The following CLPTM1L variants were observed in gnomAD, a reference collection of about 807,000 sequenced individuals.
CLPTM1L encodes the protein CLPTM1 like.
In CLPTM1L, 38 loss-of-function variants were observed where a neutral mutation model predicts 70.9. The ratio of observed to expected loss-of-function variants is 0.54; its 90% CI spans 0.41 to 0.70. The LOEUF (loss-of-function observed/expected upper bound fraction) is 0.70. Ranked by LOEUF, CLPTM1L falls within the 30% of genes least tolerant of loss-of-function variation. The pLI is 0.00. For missense variants in CLPTM1L, 652 were observed against 705.9 expected, an observed-to-expected ratio of 0.92 and a Z score of 0.87; for synonymous variants, 339 against 299.9, an observed-to-expected ratio of 1.13 and a Z score of -1.35.
At chr5:1,324,902 T>C in intron 10 of CLPTM1L, 89 bp from the exon 11 acceptor site, 1 of 1,237,554 alleles carries the variant, frequency 8.1e-7, no homozygotes, top group Non-Finnish European at 1.2e-6. Flanking sequence ...CACATATGGC[T>C]GCAGAGCTGA....
chr5:1,327,726 T>TCCAGCTCCTTCTCTACAGGGACATTCCAC (rs1561235715), intron 9 of CLPTM1L, among the ~76,000 whole-genome samples: 10 of 146,896 alleles, frequency 6.8e-5, no homozygotes, highest in South Asian at 2.2e-4. Context: ...GGACATTTCA[T>TCCAGCTCCTTCTCTACAGGGACATTCCAC]CCAGCTCCTC....
intron 16 of CLPTM1L, chr5:1,320,404 G>A: frequency 2.2e-6 from 1 of 454,658 alleles, no homozygotes; most frequent in Non-Finnish European, 3.9e-6. Context: ...AAAGCACAGT[G>A]AGGAGACAGA....
At chr5:1,321,485 T>TA in intron 15 of CLPTM1L, 150 bp downstream of exon 15, 1 of 701,232 alleles carries the variant, frequency 1.4e-6, no homozygotes, top group South Asian at 1.8e-5. Context: ...CTTTTTTTTT[T>TA]AAAGGAGCCT....
chr5:1,335,086 T>TGCATGTGGATCCA lies in CLPTM1L; in HGVS notation c.754_766dup (p.Gln256LeufsTer22). 1 of 1,613,526 alleles carries TGCATGTGGATCCA rather than the reference T, an allele frequency of 6.2e-7. No individual in the cohort carries two copies. The highest frequency in any genetic ancestry group is 8.5e-7 in the Non-Finnish European group (1 of 1,180,004). ...CTGCTGCAGGGAGTACACGGCGTCC[T>TGCATGTGGATCCA]GCATGTGGATCCAGAAGCGCAGCCG... is the stretch of plus-strand genomic sequence containing the variant. On this transcript the variant is annotated frameshift_variant, in exon 6 of 17. Transcript: ENST00000320895. LOFTEE classifies it high-confidence loss of function.
At position 1,342,958 on chromosome 5, in the gene CLPTM1L, C is replaced by T. The variant is rs899277996; in HGVS notation, c.264-1098G>A. On this transcript the variant is annotated intron_variant, in intron 2 of 16. Transcript: ENST00000320895. The surrounding 1 kb of genome is among the most constrained non-coding windows in gnomAD (Gnocchi z 4.3). ...CTGTAATCCCAGCACCTTGGGAGGC[C>T]GAGCCGGGCAGATCACGAGGTCAGG... 1.2e-4 allele frequency among the ~76,000 whole-genome samples: 19 copies of T among 152,146 alleles called. No homozygotes were observed. The highest frequency in any genetic ancestry group is 2.2e-4 in the African/African-American group (9 of 41,446).
At chr5:1,341,894 A>G (rs1412656441) in intron 2 of CLPTM1L, 34 bp from the exon 3 acceptor site, 3 of 1,542,288 alleles carry the variant, frequency 1.9e-6, no homozygotes, top group African/African-American at 2.7e-5. Flanking sequence ...CTACATACAT[A>G]TTATATTCTG....
chr5:1,339,907 G>A (rs1039729870), intron 3 of CLPTM1L, among the ~76,000 whole-genome samples: 109 of 146,984 alleles, frequency 7.4e-4, no homozygotes, highest in African/African-American at 2.6e-3. Context: ...CAGGGTCAGC[G>A]CCCTAACCTG....
chr5:1,337,252 A>G lies in CLPTM1L; in HGVS notation c.678+652T>C, dbSNP rs549114880. On this transcript the variant is annotated intron_variant, in intron 5 of 16. Transcript: ENST00000320895. ...GTGCTTAGCACAGTGCCTCATGTGCAGTAAGAGACATTAAATATTAACTGC... is the reference window on the plus strand; with the variant it reads ...GTGCTTAGCACAGTGCCTCATGTGCGGTAAGAGACATTAAATATTAACTGC... Among the ~76,000 whole-genome samples, 3 of 152,374 alleles carry G rather than the reference A, an allele frequency of 2.0e-5. No individual in the cohort carries two copies. In the South Asian group the frequency reaches 6.2e-4, roughly 32 times the overall value.
At chr5:1,330,527 T>C in intron 8 of CLPTM1L, 144 bp from the exon 9 acceptor site, 1 of 623,672 alleles carries the variant, frequency 1.6e-6, no homozygotes, top group Non-Finnish European at 2.9e-6. Context: ...GTCACCCCGT[T>C]TAAAAAGAAC....
rs1753999725 is a variant in CLPTM1L, at chr5:1,342,274, C to A, written c.264-414G>T. Among the ~76,000 whole-genome samples, 1 of 152,214 alleles carries A rather than the reference C, an allele frequency of 6.6e-6. No individual in the cohort carries two copies. Among genetic ancestry groups the A allele is most frequent in the African/African-American group, 2.4e-5 (1 of 41,448 alleles). On this transcript the variant is annotated intron_variant, in intron 2 of 16. Coordinates refer to ENST00000320895, the MANE Select transcript of CLPTM1L (RefSeq NM_030782.5). This position sits in a 1 kb window ranked among gnomAD's most constrained non-coding sequence, Gnocchi z 4.3. ...CCGAAGCGACAGAAGGGAAGGGCAG[C>A]AGCCACGAGGGCTCCAGGTGCCTCG... is the stretch of plus-strand genomic sequence containing the variant.
Position 1,327,397 on chromosome 5 carries a change from G to A in CLPTM1L, c.1081-1581C>T, listed in dbSNP as rs71595012. On this transcript the variant is annotated intron_variant, in intron 9 of 16. Coordinates refer to ENST00000320895, the MANE Select transcript of CLPTM1L (RefSeq NM_030782.5). ...ATTCCATCCAGCTCCTCCTCTACAG[G>A]CACATTCCATCCAGCTCCTCCTCTA... is the stretch of plus-strand genomic sequence containing the variant. Among the ~76,000 whole-genome samples, 70 of 101,726 alleles carry A rather than the reference G, an allele frequency of 6.9e-4. 1 individual carries two copies. The highest frequency in any genetic ancestry group is 7.4e-4 in the African/African-American group (20 of 26,962). The allele number at this position is 101,726 out of a possible 152,430, so 66.7% of individuals were successfully genotyped here.
chr5:1,328,943 C>G (rs368435892), intron 9 of CLPTM1L, among the ~76,000 whole-genome samples: 116 of 143,792 alleles, frequency 8.1e-4, no homozygotes, highest in Admixed American at 1.6e-3. Flanking sequence ...CAGGGACATT[C>G]CATCCAGCTC....
Position 1,335,102 on chromosome 5 carries a change from A to G in CLPTM1L, c.751T>C (p.Phe251Leu), listed in dbSNP as rs766798575. The change falls in exon 6 of 17, where the codon TTC (phenylalanine) becomes CTC (leucine). Residue 251 changes from phenylalanine to leucine, a missense_variant. Physicochemically the swap from Phe to Leu is conservative, Grantham distance 22. Transcript: ENST00000320895. ...YDKVSLGRLR[F>L]WIHMQDAVYS... ...ACGGCGTCCTGCATGTGGATCCAGA[A>G]GCGCAGCCGCCCCAGTGAGACCTTG... The G allele has an allele frequency of 9.9e-6, 16 of 1,613,648 alleles. No individual in the cohort carries two copies. The South Asian group carries it at 1.6e-4, about 17-fold the overall frequency.
chr5:1,319,563 G>A (rs1458407436), intron 16 of CLPTM1L, among the ~76,000 whole-genome samples: 1 of 152,236 alleles, frequency 6.6e-6, no homozygotes, highest in Non-Finnish European at 1.5e-5. Flanking sequence ...GCTCCCCAAG[G>A]GCCGGCACCC....
chr5:1,324,162 A>G (rs1016465485), intron 11 of CLPTM1L: 11 of 436,490 alleles, frequency 2.5e-5, no homozygotes, highest in African/African-American at 2.0e-4. Context: ...ATCAATAAAC[A>G]TAATGGAAAG....
In CLPTM1L at chr5:1,318,473, C is replaced by T; in HGVS notation, c.1533-20G>A. 6 of 1,607,040 alleles carry T rather than the reference C, an allele frequency of 3.7e-6. No individual in the cohort carries two copies. Among genetic ancestry groups the T allele is most frequent in the Non-Finnish European group, 5.1e-6 (6 of 1,174,348 alleles). Reference sequence around the variant, plus strand: ...TAAAGCCTGCAATGACACAAATGAGCACATCAGCAAACCCCACTGCAGGGG... The same window carrying T: ...TAAAGCCTGCAATGACACAAATGAGTACATCAGCAAACCCCACTGCAGGGG... On this transcript the variant is annotated intron_variant, in intron 16 of 16. Coordinates refer to ENST00000320895, the MANE Select transcript of CLPTM1L (RefSeq NM_030782.5). This position sits in a 1 kb window ranked among gnomAD's most constrained non-coding sequence, Gnocchi z 8.9.
intron 11 of CLPTM1L, 140 bp from the exon 12 acceptor site, chr5:1,324,009 G>T: frequency 1.5e-6 from 1 of 663,934 alleles, no homozygotes; most frequent in Non-Finnish European, 2.7e-6. Flanking sequence ...GCAGGGGGCG[G>T]CGTGAGGGGC....
Position 1,321,824 on chromosome 5 carries a change from A to G in CLPTM1L, c.1316-5T>C, listed in dbSNP as rs1752172024. Reference sequence around the variant, plus strand: ...GGAAACCAAAGGCATAGACCCCTGCAGAAAGACAGACAGCACTCACGAGGT... The same window carrying G: ...GGAAACCAAAGGCATAGACCCCTGCGGAAAGACAGACAGCACTCACGAGGT... On this transcript the variant is annotated splice_region_variant and splice_polypyrimidine_tract_variant and intron_variant, in intron 13 of 16. Transcript: ENST00000320895. The G allele has an allele frequency of 1.9e-6, 3 of 1,613,442 alleles. No homozygotes were observed. The highest frequency in any genetic ancestry group is 2.5e-6 in the Non-Finnish European group (3 of 1,179,654).
At chr5:1,331,481 C>T (rs534713521) in intron 8 of CLPTM1L, 95 of 437,774 alleles carry the variant, frequency 2.2e-4, no homozygotes, top group Non-Finnish European at 3.1e-4. Context: ...CATGAGCAGC[C>T]GGGAAGGCTC....
Sources: allele counts gnomAD v4.1 joint callset (sites outside exome capture counted in the v4.1 genomes callset), GRCh38; gene constraint gnomAD v4.1.1; non-coding constraint Gnocchi (gnomAD v3.1); transcripts MANE v1.5; gene names NCBI Gene and HGNC (gene_info 2026-07-23, HGNC 2026-07-21).